ADCY2: variants seen among roughly 807,000 people sequenced by gnomAD.
ADCY2 encodes the protein adenylate cyclase 2.
Under a neutral mutation model 125.2 loss-of-function variants are expected in ADCY2, and 31 were observed. That is an observed-to-expected ratio of 0.25 (90% confidence interval 0.19 to 0.33). ADCY2 has a LOEUF of 0.33. ADCY2 is among the 10% of genes least tolerant of loss of function. The pLI, the probability that ADCY2 is intolerant of heterozygous loss-of-function variation, is 1.00. For synonymous variants in ADCY2, 512 were observed against 548.4 expected, an observed-to-expected ratio of 0.93 and a Z score of 0.93; for missense variants, 904 against 1,418.2, an observed-to-expected ratio of 0.64 and a Z score of 5.82.
rs184812082 is a variant in ADCY2 at position 7,455,555 on chromosome 5, G to A, written c.408+40785G>A. On this transcript the variant is annotated intron_variant, in intron 2 of 24. Transcript: ENST00000338316. The stretch of plus-strand genomic sequence containing the variant: ...TCACTTATTATATATTATAAAACAT[G>A]TAGGAATATAATGAATATAATAACA... 8.6e-3 allele frequency among the ~76,000 whole-genome samples: 1,288 copies of A among 150,382 alleles called. 19 individuals carry two copies. The highest frequency in any genetic ancestry group is 0.03 in the African/African-American group (1,229 of 41,118).
chr5:7,494,997 G>A (rs1743297201), intron 2 of ADCY2, among the ~76,000 whole-genome samples: 1 of 152,138 alleles, frequency 6.6e-6, no homozygotes, highest in Non-Finnish European at 1.5e-5. Context: ...ACCCTGTCTG[G>A]GGAATTGTCC....
chr5:7,776,953 C>T (rs1743749638), intron 18 of ADCY2, among the ~76,000 whole-genome samples: 1 of 152,120 alleles, frequency 6.6e-6, no homozygotes, highest in Non-Finnish European at 1.5e-5. Flanking sequence ...GGGACTTGGA[C>T]TGAGCCACTC....
intron 3 of ADCY2, among the ~76,000 whole-genome samples, chr5:7,598,547 A>G (rs1579615274): frequency 6.6e-6 from 1 of 152,172 alleles, no homozygotes; most frequent in Non-Finnish European, 1.5e-5. Context: ...TGTATTCTAA[A>G]CACACATCCT....
At chr5:7,515,120 C>T (rs748675704) in intron 2 of ADCY2, among the ~76,000 whole-genome samples, 6 of 152,206 alleles carry the variant, frequency 3.9e-5, no homozygotes, top group Non-Finnish European at 7.3e-5. Context: ...TACCTTTGTT[C>T]GGCTGCACAA....
Position 7,814,545 on chromosome 5 carries a change from G to A in ADCY2, c.2884-2321G>A, listed in dbSNP as rs531727509. ...TGGTGCCAAGGCTGAGAAACCCTGC[G>A]TTACTGCAATCCCCATGCACACTCC... On this transcript the variant is annotated intron_variant, in intron 22 of 24. Coordinates refer to ENST00000338316, the MANE Select transcript of ADCY2 (RefSeq NM_020546.3). 3.9e-5 allele frequency among the ~76,000 whole-genome samples: 6 copies of A among 152,258 alleles called. No individual in the cohort carries two copies. In the East Asian group the frequency reaches 5.8e-4, roughly 15 times the overall value.
At chr5:7,824,480 T>TG (rs1745405531) in intron 24 of ADCY2, among the ~76,000 whole-genome samples, 3 of 152,320 alleles carry the variant, frequency 2.0e-5, no homozygotes, top group Admixed American at 6.5e-5. Context: ...AGGCCACTTT[T>TG]GGTGGAAGGC....
chr5:7,735,948 A>C (rs1742236805), intron 14 of ADCY2, among the ~76,000 whole-genome samples: 13 of 152,218 alleles, frequency 8.5e-5, no homozygotes, highest in Admixed American at 7.9e-4. Flanking sequence ...CTGTAATCCC[A>C]GCACTTTGAG....
intron 19 of ADCY2, among the ~76,000 whole-genome samples, chr5:7,789,315 C>G (rs1744180634): frequency 6.6e-6 from 1 of 152,242 alleles, no homozygotes; most frequent in East Asian, 1.9e-4. Context: ...CATTTATATT[C>G]TACAATTGCC....
intron 4 of ADCY2, among the ~76,000 whole-genome samples, chr5:7,678,592 A>G (rs2126712025): frequency 6.6e-6 from 1 of 152,328 alleles, no homozygotes; most frequent in Admixed American, 6.5e-5. Context: ...CAGTTCTTCT[A>G]ATGGAGAAGA....
chr5:7,464,448 T>C (rs989202798), intron 2 of ADCY2, among the ~76,000 whole-genome samples: 2 of 152,284 alleles, frequency 1.3e-5, no homozygotes, highest in Non-Finnish European at 2.9e-5. Flanking sequence ...CCTACGGCAA[T>C]GTCACATGGA....
At chr5:7,561,635 G>A (rs536946481) in intron 3 of ADCY2, among the ~76,000 whole-genome samples, 82 of 150,900 alleles carry the variant, frequency 5.4e-4, no homozygotes, top group Middle Eastern at 3.4e-3. Context: ...AATAATTTCC[G>A]AATGCACATA....
At chr5:7,803,928 A>ATG (rs1479935662) in intron 21 of ADCY2, among the ~76,000 whole-genome samples, 12 of 148,242 alleles carry the variant, frequency 8.1e-5, no homozygotes, top group East Asian at 5.9e-4. Flanking sequence ...TTTTATATAT[A>ATG]TGTGTGTGTG....
rs1037136111 is a variant in ADCY2 at position 7,499,679 on chromosome 5, A to G, written c.409-21059A>G. 6.5e-4 allele frequency among the ~76,000 whole-genome samples: 88 copies of G among 135,022 alleles called. 1 individual carries two copies. In the East Asian group the frequency reaches 0.016, roughly 25 times the overall value. 88.6% of individuals were successfully genotyped at this position (135,022 alleles called of 152,430 possible). The stretch of plus-strand genomic sequence containing the variant: ...TATATATATATATATATATATATAT[A>G]TATGTATATATATGTGTATATATAT... On this transcript the variant is annotated intron_variant, in intron 2 of 24. Transcript: ENST00000338316.
intron 2 of ADCY2, among the ~76,000 whole-genome samples, chr5:7,462,466 G>A (rs1180806088): frequency 2.0e-5 from 3 of 152,082 alleles, no homozygotes; most frequent in African/African-American, 7.2e-5. Flanking sequence ...AACTTAATAA[G>A]CAATGTAGTT....
intron 2 of ADCY2, among the ~76,000 whole-genome samples, chr5:7,482,835 A>C (rs1359634399): frequency 6.7e-6 from 1 of 148,852 alleles, no homozygotes; most frequent in Non-Finnish European, 1.5e-5. Flanking sequence ...ATGAAATGCT[A>C]TTCAGTCATA....
At chr5:7,499,695 G>GTA (rs1415753053) in intron 2 of ADCY2, among the ~76,000 whole-genome samples, 1 of 121,096 alleles carries the variant, frequency 8.3e-6, no homozygotes, top group Non-Finnish European at 1.8e-5. Context: ...ATATATATGT[G>GTA]TATATATATG....
rs144101619 is a variant in ADCY2 at position 7,773,762 on chromosome 5, A to G, written c.2384+661A>G. Among the ~76,000 whole-genome samples, 323 of 152,358 alleles carry G rather than the reference A, an allele frequency of 2.1e-3. 2 individuals carry two copies. Among genetic ancestry groups the G allele is most frequent in the African/African-American group, 7.4e-3 (309 of 41,588 alleles). On this transcript the variant is annotated intron_variant, in intron 18 of 24. Transcript: ENST00000338316. ...TATGGTTGCTTTAGGTCTTTCAACC[A>G]TAAGCCTAGATGCAGCAAGAATGAT...
intron 15 of ADCY2, among the ~76,000 whole-genome samples, chr5:7,747,584 C>A (rs1457377226): frequency 2.6e-5 from 4 of 152,122 alleles, no homozygotes; most frequent in African/African-American, 2.4e-5. Context: ...TGGCCTTCAT[C>A]ACGCTGCGTC....
intron 2 of ADCY2, among the ~76,000 whole-genome samples, chr5:7,510,810 TTTAC>T (rs1347787923): frequency 2.0e-5 from 3 of 152,174 alleles, no homozygotes; most frequent in Non-Finnish European, 4.4e-5. Context: ...CTAAGGTGGT[TTTAC>T]TTACTTACAG....
Sources: allele counts gnomAD v4.1 joint callset (sites outside exome capture counted in the v4.1 genomes callset), GRCh38; gene constraint gnomAD v4.1.1; transcripts MANE v1.5; gene names NCBI Gene and HGNC (gene_info 2026-07-23, HGNC 2026-07-21).